The following PLEKHG1 variants were observed in gnomAD, a reference collection of about 807,000 sequenced individuals.
The protein encoded by PLEKHG1 is pleckstrin homology domain-containing family G member 1.
A neutral mutation model predicts 100.8 loss-of-function variants in PLEKHG1; 44 were observed. The observed-to-expected ratio is 0.44, with a 90% CI of 0.34 to 0.56. The LOEUF is 0.56. PLEKHG1 is among the 20% of genes least tolerant of loss of function. PLEKHG1 has a pLI of 0.01. For missense variants in PLEKHG1, 1,545 were observed against 1,720.9 expected (o/e 0.90, Z 1.81); for synonymous variants, 640 against 662.5 (o/e 0.97, Z 0.52).
intron 3 of PLEKHG1, among the ~76,000 whole-genome samples, chr6:150,664,639 T>A (rs1779328639): frequency 6.6e-6 from 1 of 152,138 alleles, no homozygotes; most frequent in Admixed American, 6.5e-5. Context: ...TGGGGGTGTC[T>A]CGTGTTGTGA....
intron 1 of PLEKHG1, among the ~76,000 whole-genome samples, chr6:150,631,633 A>C (rs6557548): frequency 0.92 from 140,592 of 152,288 alleles, 64,915 homozygotes; most frequent in African/African-American, 0.93. Flanking sequence ...TAGGAAAATA[A>C]AAGTTCTAAC....
chr6:150,755,199 C>G (rs529108070), intron 2 of PLEKHG1, among the ~76,000 whole-genome samples: 1 of 152,036 alleles, frequency 6.6e-6, no homozygotes, highest in East Asian at 1.9e-4. Context: ...TGGCTTTGAA[C>G]TCCTGGCCTC....
intron 1 of PLEKHG1, among the ~76,000 whole-genome samples, chr6:150,613,703 C>G (rs139655765): frequency 1.7e-4 from 26 of 152,254 alleles, no homozygotes; most frequent in African/African-American, 5.5e-4. Context: ...CTCTCCAGCA[C>G]TGTCCTACCC....
intron 1 of PLEKHG1, among the ~76,000 whole-genome samples, chr6:150,628,576 A>ACACACACACACACACACACACACACC (rs1317085737): frequency 5.6e-5 from 6 of 108,096 alleles, no homozygotes; most frequent in African/African-American, 1.7e-4. Flanking sequence ...ACACACACAC[A>ACACACACACACACACACACACACACC]CCCCGTCCTT....
chr6:150,622,401 C>A (rs1023664383), intron 1 of PLEKHG1, among the ~76,000 whole-genome samples: 1 of 152,068 alleles, frequency 6.6e-6, no homozygotes, highest in African/African-American at 2.4e-5. Context: ...AGTGTGTGGG[C>A]AGCTTGGTGG....
At chr6:150,774,935 C>T (rs1784888230) in intron 3 of PLEKHG1, among the ~76,000 whole-genome samples, 2 of 151,656 alleles carry the variant, frequency 1.3e-5, no homozygotes, top group South Asian at 4.2e-4. Context: ...TAATTTCTTT[C>T]CTTGTCCTGT....
chr6:150,718,164 T>C (rs1453467506), upstream of PLEKHG1, among the ~76,000 whole-genome samples: 2 of 152,206 alleles, frequency 1.3e-5, 1 homozygote, highest in Non-Finnish European at 2.9e-5. Context: ...AAATAAATTA[T>C]ACAGCAAAAA....
chr6:150,733,775 A>G, exon 2 of PLEKHG1: 2 of 1,614,188 alleles, frequency 1.2e-6, no homozygotes, highest in Non-Finnish European at 8.5e-7. Flanking sequence ...CGGCAGCAGA[A>G]TGACCTTAGT....
At chr6:150,765,498 A>C (rs78448413) in intron 2 of PLEKHG1, among the ~76,000 whole-genome samples, 2 of 150,302 alleles carry the variant, frequency 1.3e-5, no homozygotes, top group Non-Finnish European at 3.0e-5. Flanking sequence ...TGTCTCAAAG[A>C]AAAAAAAAAA....
intron 3 of PLEKHG1, among the ~76,000 whole-genome samples, chr6:150,679,005 A>C (rs1779848956): frequency 6.6e-6 from 1 of 152,258 alleles, no homozygotes; most frequent in African/African-American, 2.4e-5. Flanking sequence ...GAAAATAAGT[A>C]ATAAATCTCT....
intron 3 of PLEKHG1, among the ~76,000 whole-genome samples, chr6:150,703,515 C>A (rs547429456): frequency 6.6e-6 from 1 of 151,012 alleles, no homozygotes; most frequent in South Asian, 2.1e-4. Context: ...GCAGGAGAAT[C>A]GCTTGAATCC....
In PLEKHG1 at chr6:150,666,517, T is replaced by A. The variant is rs80260099; in HGVS notation, c.-99+15731T>A. Reference sequence around the variant, plus strand: ...CTTCTCTGCTTGGGGCAGGATCAGATAACCAATGAGCCCAGTGTCTCTACC... The same window carrying A: ...CTTCTCTGCTTGGGGCAGGATCAGAAAACCAATGAGCCCAGTGTCTCTACC... On this transcript the variant is annotated intron_variant, in intron 3 of 3. Transcript: ENST00000367326. Among the ~76,000 whole-genome samples the A allele has an allele frequency of 2.6e-5, 4 of 152,242 alleles. No individual in the cohort carries two copies. The East Asian group carries it at 7.7e-4, about 29-fold the overall frequency.
intron 3 of PLEKHG1, among the ~76,000 whole-genome samples, chr6:150,654,707 T>A (rs563087788): frequency 6.6e-6 from 1 of 152,388 alleles, no homozygotes; most frequent in African/African-American, 2.4e-5. Context: ...CTTGCTACTG[T>A]GTCCCAGGGC....
chr6:150,651,433 C>T (rs1170191877), intron 3 of PLEKHG1, among the ~76,000 whole-genome samples: 2 of 152,080 alleles, frequency 1.3e-5, no homozygotes, highest in Admixed American at 6.6e-5. Context: ...GGGGTTTCAC[C>T]ACGTTGGCCA....
intron 1 of PLEKHG1, among the ~76,000 whole-genome samples, chr6:150,634,724 G>T (rs937107273): frequency 2.6e-5 from 4 of 152,214 alleles, no homozygotes; most frequent in African/African-American, 9.6e-5. Context: ...ACCCATTAAA[G>T]TAATGAAGTA....
intron 3 of PLEKHG1, among the ~76,000 whole-genome samples, chr6:150,688,314 TG>T (rs1314984729): frequency 1.5e-5 from 2 of 133,528 alleles, no homozygotes; most frequent in Non-Finnish European, 3.1e-5. Context: ...TTTCTTCCTT[TG>T]TTTTTTTTTT....
intron 3 of PLEKHG1, among the ~76,000 whole-genome samples, chr6:150,658,680 G>A (rs1343288362): frequency 6.6e-6 from 1 of 152,138 alleles, no homozygotes; most frequent in Non-Finnish European, 1.5e-5. Flanking sequence ...CCTCTTTGAG[G>A]AAATGAAGGG....
chr6:150,672,174 T>C (rs1779608375), intron 3 of PLEKHG1, among the ~76,000 whole-genome samples: 1 of 152,056 alleles, frequency 6.6e-6, no homozygotes, highest in Non-Finnish European at 1.5e-5. Context: ...CCTCTTTGGG[T>C]AATGGAAAAA....
At chr6:150,699,951 A>G (rs1280800453) in intron 3 of PLEKHG1, among the ~76,000 whole-genome samples, 2 of 152,194 alleles carry the variant, frequency 1.3e-5, no homozygotes, top group African/African-American at 2.4e-5. Flanking sequence ...TTTAACATCA[A>G]TAGAGCCAAA....
Sources: gnomAD v4.1 joint callset for allele counts (sites outside exome capture counted in the v4.1 genomes callset) on GRCh38, gnomAD v4.1.1 for gene constraint, MANE v1.5 for transcripts, NCBI Gene and HGNC (gene_info 2026-07-23, HGNC 2026-07-21) for gene names.